Variants in PACRG observed in about 807,000 individuals in gnomAD.
PACRG encodes the protein parkin coregulated, also known as parkin coregulated gene protein.
In PACRG, 29 loss-of-function variants were observed where a neutral mutation model predicts 29.7. The ratio of observed to expected loss-of-function variants is 0.98; its 90% CI spans 0.73 to 1.33. PACRG has a LOEUF of 1.33. Among genes scored for constraint, PACRG ranks in the 40% most tolerant of loss-of-function variants. PACRG has a pLI of 0.00. For synonymous variants in PACRG, 116 were observed against 118.7 expected (o/e 0.98, Z 0.15); for missense variants, 279 against 316.2 (o/e 0.88, Z 0.89).
At chr6:162,966,659 G>C (rs1207409830) in intron 2 of PACRG, among the ~76,000 whole-genome samples, 1 of 151,920 alleles carries the variant, frequency 6.6e-6, no homozygotes, top group Non-Finnish European at 1.5e-5. Flanking sequence ...TGTATTTTTA[G>C]TAGAGACGAG....
intron 4 of PACRG, among the ~76,000 whole-genome samples, chr6:163,095,662 C>T (rs1814512533): frequency 6.6e-6 from 1 of 151,142 alleles, no homozygotes; most frequent in Non-Finnish European, 1.5e-5. Flanking sequence ...TCACTCCAGT[C>T]CCGCCCCATC....
intron 2 of PACRG, among the ~76,000 whole-genome samples, chr6:162,835,870 A>T (rs996335099): frequency 1.5e-4 from 23 of 152,182 alleles, no homozygotes; most frequent in Non-Finnish European, 1.5e-5. Flanking sequence ...ATTGTAATGA[A>T]AAGAATCATA....
At chr6:163,044,479 A>G (rs1332476689) in intron 2 of PACRG, among the ~76,000 whole-genome samples, 1 of 152,206 alleles carries the variant, frequency 6.6e-6, no homozygotes, top group African/African-American at 2.4e-5. Context: ...CAATTATTAA[A>G]ACTACAAAAA....
chr6:163,058,976 G>A (rs1367562610), intron 2 of PACRG, among the ~76,000 whole-genome samples: 4 of 151,984 alleles, frequency 2.6e-5, no homozygotes, highest in Non-Finnish European at 5.9e-5. Flanking sequence ...CTACTCAGGA[G>A]GCTGAGGCAG....
At chr6:163,050,076 G>A (rs1188440564) in intron 2 of PACRG, among the ~76,000 whole-genome samples, 2 of 151,970 alleles carry the variant, frequency 1.3e-5, no homozygotes, top group Non-Finnish European at 2.9e-5. Context: ...TTTAATAAGA[G>A]AATTTAATTC....
At chr6:162,843,110 C>T (rs1298868567) in intron 2 of PACRG, among the ~76,000 whole-genome samples, 2 of 147,380 alleles carry the variant, frequency 1.4e-5, no homozygotes, top group Admixed American at 6.9e-5. Context: ...ATCTTTGTGG[C>T]GTTCTCTGTA....
intron 2 of PACRG, among the ~76,000 whole-genome samples, chr6:162,834,447 A>T (rs1310311733): frequency 1.3e-5 from 2 of 152,120 alleles, no homozygotes; most frequent in African/African-American, 4.8e-5. Context: ...GTTTTAGGCC[A>T]GTTGAATTAG....
At chr6:162,846,905 A>G (rs1020245822) in intron 2 of PACRG, among the ~76,000 whole-genome samples, 2 of 148,438 alleles carry the variant, frequency 1.3e-5, no homozygotes, top group East Asian at 4.1e-4. Context: ...TGCTCCCCAC[A>G]CTGTCCACTG....
chr6:163,118,395 G>A (rs1816114859), intron 4 of PACRG, among the ~76,000 whole-genome samples: 1 of 152,214 alleles, frequency 6.6e-6, no homozygotes, highest in Admixed American at 6.5e-5. Context: ...ATGTGGAAGG[G>A]AAGGTTTGAG....
chr6:163,119,994 C>T (rs1309941326), intron 4 of PACRG, among the ~76,000 whole-genome samples: 1 of 152,146 alleles, frequency 6.6e-6, no homozygotes, highest in African/African-American at 2.4e-5. Context: ...CTCTGGCCTC[C>T]TTTCTAAGAC....
intron 4 of PACRG, among the ~76,000 whole-genome samples, chr6:163,274,119 G>C (rs1387716089): frequency 3.3e-5 from 5 of 151,968 alleles, no homozygotes; most frequent in African/African-American, 1.2e-4. Context: ...CCATGTTGGT[G>C]TGCTGCACCC....
At chr6:162,971,586 G>T (rs1801532115) in intron 2 of PACRG, among the ~76,000 whole-genome samples, 1 of 152,204 alleles carries the variant, frequency 6.6e-6, no homozygotes, top group African/African-American at 2.4e-5. Flanking sequence ...GTCACGGAAC[G>T]TGTGCATCCG....
At chr6:163,270,529 C>A (rs1219017985) in intron 4 of PACRG, among the ~76,000 whole-genome samples, 5 of 111,268 alleles carry the variant, frequency 4.5e-5, no homozygotes, top group Admixed American at 3.7e-4. Flanking sequence ...TGCTACCATG[C>A]CTGACTAATT....
chr6:162,873,619 A>C (rs759179647), intron 2 of PACRG, among the ~76,000 whole-genome samples: 1 of 152,192 alleles, frequency 6.6e-6, no homozygotes, highest in Non-Finnish European at 1.5e-5. Flanking sequence ...CCAGCAATGA[A>C]GCAAACCAGG....
chr6:162,825,161 G>T (rs1188771975), intron 2 of PACRG, among the ~76,000 whole-genome samples: 2 of 151,964 alleles, frequency 1.3e-5, no homozygotes, highest in African/African-American at 4.8e-5. Context: ...ACATATTGTG[G>T]CAATCCCAAG....
intron 4 of PACRG, among the ~76,000 whole-genome samples, chr6:163,174,940 A>G (rs895240501): frequency 7.9e-5 from 12 of 152,208 alleles, no homozygotes; most frequent in Non-Finnish European, 1.8e-4. Context: ...TAAGGCTCAG[A>G]AAGACAAAAT....
At chr6:163,190,165 A>G (rs1303953225) in intron 4 of PACRG, 1 of 152,234 alleles carries the variant, frequency 6.6e-6, no homozygotes, top group Non-Finnish European at 1.5e-5. Context: ...GAAGGTCTGA[A>G]TCTGAAGCCT....
rs1416048209 is a variant in PACRG, at chr6:162,807,979, C to A, written c.157-6168C>A. 4.6e-5 allele frequency among the ~76,000 whole-genome samples: 7 copies of A among 152,206 alleles called. No individual in the cohort carries two copies. The East Asian group carries it at 7.7e-4, about 17-fold the overall frequency. ...TTATATTGTTATAACTTATTATAAT[C>A]ATTTTACTTGGTATTATGAGCTCAT... On this transcript the variant is annotated intron_variant, in intron 1 of 4. Coordinates refer to ENST00000366888, the MANE Select transcript of PACRG (RefSeq NM_001080379.2).
chr6:163,083,524 G>T (rs1467490710), intron 3 of PACRG, among the ~76,000 whole-genome samples: 1 of 152,158 alleles, frequency 6.6e-6, no homozygotes, highest in African/African-American at 2.4e-5. Flanking sequence ...TCCTGAGGCT[G>T]TGTCAGGGGC....
Sources: allele counts gnomAD v4.1 joint callset (sites outside exome capture counted in the v4.1 genomes callset), GRCh38; gene constraint gnomAD v4.1.1; transcripts MANE v1.5; gene names NCBI Gene and HGNC (gene_info 2026-07-23, HGNC 2026-07-21).